The following MME variants were observed in gnomAD, a reference collection of about 807,000 sequenced individuals.
The protein encoded by MME is membrane metalloendopeptidase, also known as neprilysin.
Under a neutral mutation model 113.2 loss-of-function variants are expected in MME, and 98 were observed. That is an observed-to-expected ratio of 0.87 (90% CI 0.74 to 1.02). The LOEUF is 1.02. Among genes scored for constraint, MME ranks in the 50% least tolerant of loss-of-function variants. The pLI is 0.00. For synonymous variants in MME, 292 were observed against 300.6 expected (o/e 0.97, Z 0.30); for missense variants, 836 against 896.0 (o/e 0.93, Z 0.86).
At chr3:155,053,508 A>T (rs1460283615) in intron 1 of MME, among the ~76,000 whole-genome samples, 2 of 152,148 alleles carry the variant, frequency 1.3e-5, no homozygotes, top group Admixed American at 6.5e-5. Context: ...ATTCACTATG[A>T]GGAGAACAGC....
rs909130613 is a variant in MME at position 155,182,964 on chromosome 3, A to C, written c.*2505A>C. 1.3e-5 allele frequency: 2 copies of C among 152,230 alleles called. No individual in the cohort carries two copies. The highest frequency in any genetic ancestry group is 2.9e-5 in the Non-Finnish European group (2 of 68,040). 9.4% of individuals were successfully genotyped at this position (152,230 alleles called of 1,614,324 possible). A position where few individuals can be genotyped will look rare whatever the true frequency, so the allele number is the denominator to read the frequency against. Reference sequence around the variant, plus strand: ...TTGGAGTTGTCACATCAGATAAGACATATCTCTAATTCCATCCATAAATCC... The same window carrying C: ...TTGGAGTTGTCACATCAGATAAGACCTATCTCTAATTCCATCCATAAATCC... On this transcript the variant is annotated 3_prime_UTR_variant, in exon 23 of 23. Coordinates refer to ENST00000360490, the MANE Select transcript of MME (RefSeq NM_007289.4).
intron 1 of MME, among the ~76,000 whole-genome samples, chr3:155,047,204 T>C (rs983025812): frequency 2.0e-5 from 3 of 152,242 alleles, no homozygotes; most frequent in African/African-American, 7.2e-5. Context: ...ATATTTTCAC[T>C]AGACCTTTCC....
At chr3:155,176,401 AAC>A (rs1319822862) in intron 22 of MME, among the ~76,000 whole-genome samples, 1 of 152,230 alleles carries the variant, frequency 6.6e-6, no homozygotes, top group African/African-American at 2.4e-5. Flanking sequence ...TGTTATTAGA[AAC>A]ACAAGCACAC....
intron 10 of MME, 98 bp from the exon 11 acceptor site, chr3:155,141,893 G>A: frequency 2.3e-6 from 3 of 1,291,682 alleles, no homozygotes; most frequent in South Asian, 2.5e-5. Context: ...AATCCCAAGT[G>A]AATATCAAAC....
At chr3:155,180,135 G>A (rs1054584361) in intron 22 of MME, among the ~76,000 whole-genome samples, 1 of 152,202 alleles carries the variant, frequency 6.6e-6, no homozygotes, top group African/African-American at 2.4e-5. Flanking sequence ...TTCAAGCCAT[G>A]TAGTCTGTCT....
At chr3:155,033,473 C>A (rs1054757513) in intron 1 of MME, among the ~76,000 whole-genome samples, 7 of 152,032 alleles carry the variant, frequency 4.6e-5, no homozygotes, top group African/African-American at 1.7e-4. Context: ...ATGTAACAAG[C>A]TTCATTATAA....
rs539098967 is a variant in MME at position 155,130,057 on chromosome 3, A to G, written c.721-8045A>G. Among the ~76,000 whole-genome samples, 5 of 152,318 alleles carry G rather than the reference A, an allele frequency of 3.3e-5. No homozygotes were observed. The East Asian group carries it at 9.6e-4, about 29-fold the overall frequency. ...TCTACCTTCTTAGCTTTTCAAGAGC[A>G]ATTGTTATCTTACTTTGTTGTCCTT... is the stretch of plus-strand genomic sequence containing the variant. On this transcript the variant is annotated intron_variant, in intron 8 of 22. Transcript: ENST00000360490.
At chr3:155,172,641 G>A in intron 22 of MME, 29 bp downstream of exon 22, 1 of 1,517,498 alleles carries the variant, frequency 6.6e-7, no homozygotes, top group Non-Finnish European at 9.2e-7. Flanking sequence ...CAATCAAGGT[G>A]CTCTTATATT....
chr3:155,146,896 T>C (rs1405803341), intron 14 of MME, among the ~76,000 whole-genome samples: 4 of 152,200 alleles, frequency 2.6e-5, no homozygotes, highest in Non-Finnish European at 5.9e-5. Flanking sequence ...AGTTTTTATG[T>C]TGGTTTTCTT....
At position 155,109,089 on chromosome 3, in the gene MME, A is replaced by C. The variant is rs1448861226; in HGVS notation, c.197-5905A>C. Among the ~76,000 whole-genome samples the C allele has an allele frequency of 3.3e-5, 5 of 152,180 alleles. No individual in the cohort carries two copies. The East Asian group carries it at 9.6e-4, about 29-fold the overall frequency. ...AGGCCTATGAGCCTCATGAGATATC[A>C]ACAAAAATGTTTCTTGGCCATCAGA... On this transcript the variant is annotated intron_variant, in intron 3 of 22. Transcript: ENST00000360490.
intron 1 of MME, among the ~76,000 whole-genome samples, chr3:155,030,247 G>C (rs1396479044): frequency 6.6e-6 from 1 of 152,144 alleles, no homozygotes; most frequent in Non-Finnish European, 1.5e-5. Context: ...GTTTCTAGTG[G>C]TTTAGGTACA....
chr3:155,145,215 G>A (rs1462633188), intron 14 of MME, among the ~76,000 whole-genome samples: 1 of 152,062 alleles, frequency 6.6e-6, no homozygotes, highest in Admixed American at 6.6e-5. Context: ...GGTTGGATTT[G>A]CTCCTTTCAT....
rs199906879 is a variant in MME, at chr3:155,180,773, G to A, written c.*314G>A. ...TTTGCTGATGTCCCTAGAAAACAATGCAAAACCTTTGAGGTAGACCAGGAT... is the reference window on the plus strand; with the variant it reads ...TTTGCTGATGTCCCTAGAAAACAATACAAAACCTTTGAGGTAGACCAGGAT... On this transcript the variant is annotated 3_prime_UTR_variant, in exon 23 of 23. Coordinates refer to ENST00000360490, the MANE Select transcript of MME (RefSeq NM_007289.4). 3 of 316,840 alleles carry A rather than the reference G, an allele frequency of 9.5e-6. No individual in the cohort carries two copies. The highest frequency in any genetic ancestry group is 9.1e-5 in the Admixed American group (2 of 21,986). The allele number at this position is 316,840 out of a possible 1,614,324, so 19.6% of individuals were successfully genotyped here.
At chr3:155,026,722 A>G (rs1712798689) in intron 1 of MME, among the ~76,000 whole-genome samples, 1 of 152,102 alleles carries the variant, frequency 6.6e-6, no homozygotes, top group African/African-American at 2.4e-5. Flanking sequence ...ACTCTGTCCC[A>G]TTCCCCCCAC....
At chr3:155,130,518 T>A (rs1202982335) in intron 8 of MME, among the ~76,000 whole-genome samples, 1 of 152,052 alleles carries the variant, frequency 6.6e-6, no homozygotes, top group Non-Finnish European at 1.5e-5. Flanking sequence ...CTGAGGTTCA[T>A]AAAAATAGAG....
chr3:155,133,062 A>AATATATATATATATATATATATATATAT (rs1553762420), intron 8 of MME, among the ~76,000 whole-genome samples: 44 of 75,010 alleles, frequency 5.9e-4, no homozygotes, highest in Non-Finnish European at 7.0e-4. Context: ...AAAAAAAAAA[A>AATATATATATATATATATATATATATAT]ATATATATAT....
chr3:155,126,976 C>T (rs753355164), intron 8 of MME, among the ~76,000 whole-genome samples: 19 of 145,550 alleles, frequency 1.3e-4, no homozygotes, highest in Non-Finnish European at 2.7e-4. Context: ...CATTGGACTC[C>T]AGCCTGGGCA....
intron 10 of MME, among the ~76,000 whole-genome samples, chr3:155,141,598 GAATT>G (rs1358987014): frequency 6.6e-6 from 1 of 152,030 alleles, no homozygotes; most frequent in Non-Finnish European, 1.5e-5. Context: ...GTGTTTGAAT[GAATT>G]GTTTATTAAT....
At chr3:155,174,126 T>C (rs1215644495) in intron 22 of MME, among the ~76,000 whole-genome samples, 1 of 152,178 alleles carries the variant, frequency 6.6e-6, no homozygotes, top group African/African-American at 2.4e-5. Context: ...TCTTATGTTC[T>C]GCACATTTCA....
Sources: allele counts gnomAD v4.1 joint callset (sites outside exome capture counted in the v4.1 genomes callset), GRCh38; gene constraint gnomAD v4.1.1; transcripts MANE v1.5; gene names NCBI Gene and HGNC (gene_info 2026-07-23, HGNC 2026-07-21).